Variants in RTN4 observed in about 807,000 individuals in gnomAD.
RTN4 encodes the protein reticulon 4, also known as reticulon-4.
A neutral mutation model predicts 90.4 loss-of-function variants in RTN4; 32 were observed. The observed-to-expected ratio is 0.35, with a 90% CI of 0.27 to 0.48. RTN4 has a LOEUF of 0.48. Ranked by LOEUF, RTN4 falls within the 20% of genes least tolerant of loss-of-function variation. The pLI is 0.99. For missense variants in RTN4, 1,706 were observed against 1,430.2 expected (o/e 1.19, Z -3.11); for synonymous variants, 629 against 552.5 (o/e 1.14, Z -1.94).
At chr2:55,096,466 A>C (rs1024818560) in intron 1 of RTN4, among the ~76,000 whole-genome samples, 7 of 151,996 alleles carry the variant, frequency 4.6e-5, no homozygotes, top group Non-Finnish European at 8.8e-5. Flanking sequence ...GGCCTCATCT[A>C]ATATATCTCT....
chr2:54,984,846 C>CTG (rs1678420762), intron 4 of RTN4, among the ~76,000 whole-genome samples: 4 of 152,154 alleles, frequency 2.6e-5, no homozygotes. Flanking sequence ...TGGTGCATGC[C>CTG]TGTAGTCCCA....
At chr2:55,075,954 A>C (rs1668592088) in intron 2 of RTN4, among the ~76,000 whole-genome samples, 2 of 152,232 alleles carry the variant, frequency 1.3e-5, no homozygotes, top group South Asian at 4.1e-4. Flanking sequence ...TACAGACTTA[A>C]ATCTAAGACT....
chr2:55,112,891 T>C (rs1668063432), upstream of RTN4, among the ~76,000 whole-genome samples: 1 of 152,178 alleles, frequency 6.6e-6, no homozygotes, highest in Non-Finnish European at 1.5e-5. Context: ...AGCAACCAAA[T>C]AGCTAAAAAC....
rs191250843 is a variant in RTN4, at chr2:55,082,600, G to T, written c.-213-1961C>A. 3.9e-5 allele frequency among the ~76,000 whole-genome samples: 6 copies of T among 152,260 alleles called. No individual in the cohort carries two copies. In the East Asian group the frequency reaches 1.2e-3, roughly 29 times the overall value. ...CTTAAGAAAATAATCCTAAATTTCT[G>T]CAAAGCTCAAGAAAGCAAATATGTA... On this transcript the variant is annotated intron_variant, in intron 1 of 3. Coordinates refer to the RTN4 transcript ENST00000427710.
intron 3 of RTN4, among the ~76,000 whole-genome samples, chr2:55,019,418 G>C (rs752459692): frequency 6.6e-6 from 1 of 152,150 alleles, no homozygotes; most frequent in African/African-American, 2.4e-5. Flanking sequence ...TCATCTGCAA[G>C]GGAGAAACAA....
chr2:55,017,846 C>T (rs10191684), intron 3 of RTN4, among the ~76,000 whole-genome samples: 16,355 of 152,098 alleles, frequency 0.11, 1,428 homozygotes, highest in African/African-American at 0.23. Context: ...CAAGAAATGT[C>T]TTACATTGCC....
intron 1 of RTN4, among the ~76,000 whole-genome samples, chr2:55,040,612 G>A (rs772772819): frequency 6.6e-6 from 1 of 152,078 alleles, no homozygotes; most frequent in Non-Finnish European, 1.5e-5. Context: ...TTCCACAAAA[G>A]CAGTTCACAG....
intron 4 of RTN4, among the ~76,000 whole-genome samples, chr2:54,985,821 C>T (rs749549535): frequency 3.3e-5 from 5 of 152,152 alleles, no homozygotes; most frequent in Non-Finnish European, 7.4e-5. Flanking sequence ...GTCATATGCC[C>T]AAACAGATAT....
At position 55,050,041 on chromosome 2, in the gene RTN4, G is replaced by A. The variant is rs1021107401; in HGVS notation, c.260C>T (p.Pro87Leu). The part of the protein sequence containing the change: ...PLMDFGNDFV[P>L]PAPRGPLPAA... ...CGGCAGGGGTCCCCGGGGCGCCGGC[G>A]GCACGAAGTCATTTCCGAAGTCCAT... Residue 87 changes from proline to leucine, a missense_variant, in exon 1 of 9, where the codon CCG (proline) becomes CTG (leucine). Pro to Leu is a moderately conservative substitution (Grantham distance 98). Coordinates refer to ENST00000337526, the MANE Select transcript of RTN4 (RefSeq NM_020532.5). This position sits in a 1 kb window ranked among gnomAD's most constrained non-coding sequence, Gnocchi z 4.6. 4.3e-6 allele frequency: 6 copies of A among 1,406,474 alleles called. No homozygotes were observed. In the African/African-American group the frequency reaches 9.0e-5, roughly 21 times the overall value. The allele number at this position is 1,406,474 out of a possible 1,614,324, so 87.1% of individuals were successfully genotyped here.
chr2:55,036,245 G>C (rs1284122196), intron 1 of RTN4, among the ~76,000 whole-genome samples: 1 of 152,058 alleles, frequency 6.6e-6, no homozygotes, highest in East Asian at 1.9e-4. Flanking sequence ...GCAACTCATA[G>C]AAAGTATAAT....
rs201002601 is a variant in RTN4 at position 55,025,885 on chromosome 2, G to C, written c.2214C>G (p.Ser738=). 5.6e-6 allele frequency: 9 copies of C among 1,613,740 alleles called. No individual in the cohort carries two copies. The highest frequency in any genetic ancestry group is 4.4e-5 in the South Asian group (4 of 91,076). The stretch of plus-strand genomic sequence containing the variant: ...AGTCAACTGGTTCAGAATCAGGTGA[G>C]GAATCTTCAACTAGCTCAGAATGAT... The part of the protein sequence containing the change: ...VPDHSELVED[S]SPDSEPVDLF... Residue 738 remains serine (S), a synonymous_variant, in exon 3 of 9, where the codon TCC becomes TCG. Transcript: ENST00000337526.
At chr2:55,115,712 T>A (rs1049899320), upstream of RTN4, among the ~76,000 whole-genome samples, 1 of 152,210 alleles carries the variant, frequency 6.6e-6, no homozygotes, top group East Asian at 1.9e-4. Context: ...AAGAAAAGCA[T>A]TCTGTCTAGC....
intron 3 of RTN4, among the ~76,000 whole-genome samples, chr2:55,012,402 G>A (rs932866296): frequency 6.6e-6 from 1 of 150,734 alleles, no homozygotes; most frequent in South Asian, 2.1e-4. Flanking sequence ...GTCTTTGTAA[G>A]TGTACAAGGA....
At position 55,026,950 on chromosome 2, in the gene RTN4, T is replaced by C. The variant is rs780789049; in HGVS notation, c.1149A>G (p.Glu383=). The C allele has an allele frequency of 1.9e-6, 3 of 1,613,518 alleles. No individual in the cohort carries two copies. The highest frequency in any genetic ancestry group is 8.5e-7 in the Non-Finnish European group (1 of 1,179,882). Residue 383 remains glutamate, a synonymous_variant, in exon 3 of 9, where the codon GAA becomes GAG. Coordinates refer to ENST00000337526, the MANE Select transcript of RTN4 (RefSeq NM_020532.5). ...GCTCAAATGGTTTGAAGTCTGCATA[T>C]TCCTCCCTCATAGGAGCTTCCACTG... ...RVAVEAPMRE[E]YADFKPFERV...
chr2:54,993,802 C>T (rs1237335633), intron 3 of RTN4, among the ~76,000 whole-genome samples: 2 of 152,164 alleles, frequency 1.3e-5, no homozygotes, highest in African/African-American at 2.4e-5. Context: ...CAACTAGGCA[C>T]TGATAGTCAC....
chr2:55,028,361 G>A, intron 1 of RTN4, 141 bp from the exon 2 acceptor site: 1 of 605,584 alleles, frequency 1.7e-6, no homozygotes, highest in Non-Finnish European at 2.9e-6. Flanking sequence ...TCAAAAGGAA[G>A]TCAGAAAAAG....
chr2:55,020,545 T>A (rs968934391), intron 3 of RTN4, among the ~76,000 whole-genome samples: 4 of 152,146 alleles, frequency 2.6e-5, no homozygotes, highest in Non-Finnish European at 5.9e-5. Context: ...ACAAATTTCT[T>A]TGTAAATGGA....
chr2:54,973,125 G>A lies in RTN4; in HGVS notation c.*31C>T, dbSNP rs1801912. The A allele has an allele frequency of 2.5e-6, 4 of 1,583,874 alleles. No individual in the cohort carries two copies. The African/African-American group carries it at 4.0e-5, about 16-fold the overall frequency. On this transcript the variant is annotated 3_prime_UTR_variant, in exon 9 of 9. Transcript: ENST00000337526. ...TAATCAAATGAATATCCCCTTTAAA[G>A]ATGAACTCCTACTAATTATTTTGGG...
chr2:55,048,340 T>C (rs979234530), intron 1 of RTN4, among the ~76,000 whole-genome samples: 1 of 152,226 alleles, frequency 6.6e-6, no homozygotes, highest in Non-Finnish European at 1.5e-5. Context: ...AATTTATCTT[T>C]AGATATATTT....
Sources: allele counts gnomAD v4.1 joint callset (sites outside exome capture counted in the v4.1 genomes callset), GRCh38; gene constraint gnomAD v4.1.1; non-coding constraint Gnocchi (gnomAD v3.1); transcripts MANE v1.5; gene names NCBI Gene and HGNC (gene_info 2026-07-23, HGNC 2026-07-21).